The following PSMD5 variants were observed in gnomAD, a reference collection of about 807,000 sequenced individuals.
PSMD5 encodes the protein proteasome 26S subunit, non-ATPase 5, also known as 26S proteasome non-ATPase regulatory subunit 5.
Under a neutral mutation model 52.1 loss-of-function variants are expected in PSMD5, and 40 were observed. The observed-to-expected ratio is 0.77, with a 90% confidence interval of 0.60 to 1.00. The LOEUF (loss-of-function observed/expected upper bound fraction) is 1.00, where lower values mean the gene tolerates loss of function less well. Among genes scored for constraint, PSMD5 ranks in the 50% least tolerant of loss-of-function variants. PSMD5 has a pLI of 0.00. For synonymous variants in PSMD5, 211 were observed against 226.6 expected (o/e 0.93, Z 0.62); for missense variants, 575 against 605.2 (o/e 0.95, Z 0.52).
Position 120,817,666 on chromosome 9 carries a change from A to C in PSMD5, c.*240T>G. On this transcript the variant is annotated 3_prime_UTR_variant, in exon 10 of 10. Coordinates refer to ENST00000210313, the MANE Select transcript of PSMD5 (RefSeq NM_005047.4). ...TTGCAAAGATTAAGGCAGTGAAAGGAATCTGAAAAACACTGGATCTATTAT... is the reference window on the plus strand; with the variant it reads ...TTGCAAAGATTAAGGCAGTGAAAGGCATCTGAAAAACACTGGATCTATTAT... The C allele has an allele frequency of 2.2e-6, 1 of 463,472 alleles. No homozygotes were observed. Among genetic ancestry groups the C allele is most frequent in the Non-Finnish European group, 3.8e-6 (1 of 263,258 alleles). The allele number at this position is 463,472 out of a possible 1,614,324, so 28.7% of individuals were successfully genotyped here.
chr9:120,834,695 A>C (rs2045186803), intron 1 of PSMD5, among the ~76,000 whole-genome samples: 2 of 152,246 alleles, frequency 1.3e-5, no homozygotes, highest in African/African-American at 2.4e-5. Flanking sequence ...TCATGCTTGG[A>C]ATTTAGACTT....
At chr9:120,841,423 CA>C (rs2045234851) in intron 1 of PSMD5, among the ~76,000 whole-genome samples, 1 of 151,802 alleles carries the variant, frequency 6.6e-6, no homozygotes, top group African/African-American at 2.4e-5. Context: ...ACTAAAAATA[CA>C]AAAAATTAGC....
At chr9:120,841,448 G>A (rs934150559) in intron 1 of PSMD5, among the ~76,000 whole-genome samples, 3 of 152,002 alleles carry the variant, frequency 2.0e-5, no homozygotes, top group African/African-American at 7.2e-5. Flanking sequence ...GCGTGGTGGC[G>A]GGCGCCTGTA....
chr9:120,836,888 C>T (rs987128045), intron 1 of PSMD5, among the ~76,000 whole-genome samples: 3 of 149,066 alleles, frequency 2.0e-5, no homozygotes, highest in Non-Finnish European at 3.0e-5. Context: ...TTCGAAGAAC[C>T]GATTTTTTTT....
intron 6 of PSMD5, 71 bp downstream of exon 6, chr9:120,826,694 C>G: frequency 6.6e-7 from 1 of 1,515,416 alleles, no homozygotes. Context: ...CCTACCCCAA[C>G]CCCCTGATGT....
intron 1 of PSMD5, among the ~76,000 whole-genome samples, chr9:120,837,446 T>C (rs561704029): frequency 6.6e-6 from 1 of 152,346 alleles, no homozygotes; most frequent in Admixed American, 6.5e-5. Context: ...AGCCTCCACC[T>C]CAGCCTCCTG....
chr9:120,831,500 A>G, intron 3 of PSMD5, 41 bp from the exon 4 acceptor site: 1 of 1,563,200 alleles, frequency 6.4e-7, no homozygotes, highest in South Asian at 1.2e-5. Flanking sequence ...CCCAAAATGC[A>G]GGTTATTATC....
intron 7 of PSMD5, among the ~76,000 whole-genome samples, chr9:120,823,510 C>CTTTTTTTTTTTTTTT (rs1263218977): frequency 1.8e-4 from 20 of 108,660 alleles, no homozygotes; most frequent in African/African-American, 6.4e-4. Context: ...TACCTGGCCT[C>CTTTTTTTTTTTTTTT]TTTTTTTTTT....
At chr9:120,840,142 AAAAAAAG>A (rs1200729594) in intron 1 of PSMD5, among the ~76,000 whole-genome samples, 8 of 150,446 alleles carry the variant, frequency 5.3e-5, no homozygotes, top group African/African-American at 1.9e-4. Flanking sequence ...AAAAAAAAAA[AAAAAAAG>A]GGCCTCACTC....
At position 120,826,782 on chromosome 9, in the gene PSMD5, G is replaced by A. The variant is rs1321130768; in HGVS notation, c.797C>T (p.Ser266Phe). 2.5e-6 allele frequency: 4 copies of A among 1,613,804 alleles called. No individual in the cohort carries two copies. The highest frequency in any genetic ancestry group is 3.4e-6 in the Non-Finnish European group (4 of 1,179,782). The change falls in exon 6 of 10, where the codon TCT becomes TTT. Residue 266 changes from serine (S) to phenylalanine (F), a missense_variant. Ser to Phe is a radical substitution (Grantham distance 155). Transcript: ENST00000210313. ...IIVGADSDPF[S>F]SFYLPGFVKF... is the part of the protein sequence containing the mutation. ...TTCCTTACCTGGCAGATAGAAGCTA[G>A]AGAAAGGGTCTGAATCTGCCCCAAC...
intron 3 of PSMD5, 23 bp downstream of exon 3, chr9:120,831,809 G>A (rs1417782168): frequency 6.2e-7 from 1 of 1,602,148 alleles, no homozygotes. Flanking sequence ...GCACATTTAA[G>A]TCAATGATTC....
intron 7 of PSMD5, chr9:120,824,109 TAAAAAAAAAA>T (rs34305055): frequency 2.9e-4 from 33 of 111,938 alleles, no homozygotes; most frequent in African/African-American, 9.8e-4. Context: ...CTCAATCTCT[TAAAAAAAAAA>T]AAAAAAAAAA....
In PSMD5 at chr9:120,818,031, C is replaced by G. The variant is rs1324349394; in HGVS notation, c.1390G>C (p.Ala464Pro). The G allele has an allele frequency of 6.2e-7, 1 of 1,614,166 alleles. No individual in the cohort carries two copies. Among genetic ancestry groups the G allele is most frequent in the East Asian group, 2.2e-5 (1 of 44,882 alleles). The change falls in exon 10 of 10, where the codon GCC becomes CCC. Residue 464 changes from alanine (A) to proline (P), a missense_variant. Physicochemically the swap from Ala to Pro is conservative, Grantham distance 27 (BLOSUM62 -1). Coordinates refer to ENST00000210313, the MANE Select transcript of PSMD5 (RefSeq NM_005047.4). ...DAKYELVKALANSKTIAEIFG... is the reference protein window; with the variant it reads ...DAKYELVKALPNSKTIAEIFG... ...ATTTCTGCAATTGTCTTGGAATTGG[C>G]AAGTGCTTTCACTAGTTCATATTTG...
chr9:120,820,451 T>TA (rs2045075681), intron 9 of PSMD5, among the ~76,000 whole-genome samples: 1 of 152,194 alleles, frequency 6.6e-6, no homozygotes, highest in Admixed American at 6.5e-5. Flanking sequence ...GAGTGTTAGA[T>TA]ACGGAGACCC....
chr9:120,833,213 GGAGA>G, intron 2 of PSMD5, 95 bp downstream of exon 2: 1 of 1,350,720 alleles, frequency 7.4e-7, no homozygotes, highest in Non-Finnish European at 1.0e-6. Context: ...GAAGAGGGAA[GGAGA>G]GAGAGAAATA....
rs762997679 is a variant in PSMD5 at position 120,826,806 on chromosome 9, A to G, written c.773T>C (p.Val258Ala). The G allele has an allele frequency of 6.2e-7, 1 of 1,613,904 alleles. No individual in the cohort carries two copies. Among genetic ancestry groups the G allele is most frequent in the South Asian group, 1.1e-5 (1 of 91,078 alleles). ...GVIDQISNIIVGADSDPFSSF... is the reference protein window; with the variant it reads ...GVIDQISNIIAGADSDPFSSF... ...AGAGAAAGGGTCTGAATCTGCCCCA[A>G]CAATTATATTAGAAATTTGGTCAAT... is the stretch of plus-strand genomic sequence containing the variant. The change falls in exon 6 of 10, where the codon GTT becomes GCT. Residue 258 changes from valine (V) to alanine (A), a missense_variant. Val to Ala is a moderately conservative substitution (Grantham distance 64). Transcript: ENST00000210313.
intron 1 of PSMD5, among the ~76,000 whole-genome samples, chr9:120,840,159 C>CT (rs2045224890): frequency 6.7e-6 from 1 of 149,142 alleles, no homozygotes; most frequent in Non-Finnish European, 1.5e-5. Context: ...GGGCCTCACT[C>CT]TGTCACCCAG....
chr9:120,824,235 GA>G, intron 7 of PSMD5: 1 of 481,914 alleles, frequency 2.1e-6, no homozygotes, highest in Non-Finnish European at 3.7e-6. Context: ...GGGGAAACAG[GA>G]AACAATGTTT....
In PSMD5 at chr9:120,842,835, A is replaced by C; in HGVS notation, c.75T>G (p.Leu25=). 6.2e-7 allele frequency: 1 copy of C among 1,610,176 alleles called. No individual in the cohort carries two copies. Among genetic ancestry groups the C allele is most frequent in the Non-Finnish European group, 8.5e-7 (1 of 1,179,472 alleles). The change falls in exon 1 of 10, where the codon CTT becomes CTG. Residue 25 remains leucine, a synonymous_variant. Coordinates refer to ENST00000210313, the MANE Select transcript of PSMD5 (RefSeq NM_005047.4). The part of the protein sequence containing the change: ...LEAPLEELRA[L]HSVLQAVPLN... Reference sequence around the variant, plus strand: ...GCGGCACTGCCTGCAGCACGGAGTGAAGCGCGCGTAGCTCCTCCAGCGGCG... The same window carrying C: ...GCGGCACTGCCTGCAGCACGGAGTGCAGCGCGCGTAGCTCCTCCAGCGGCG...
Sources: gnomAD v4.1 joint callset for allele counts (sites outside exome capture counted in the v4.1 genomes callset) on GRCh38, gnomAD v4.1.1 for gene constraint, MANE v1.5 for transcripts, NCBI Gene and HGNC (gene_info 2026-07-23, HGNC 2026-07-21) for gene names.